B9D1: variants seen among roughly 807,000 people sequenced by gnomAD.
B9D1 encodes B9 domain-containing protein 1.
Under a neutral mutation model 26.1 loss-of-function variants are expected in B9D1, and 20 were observed. The observed-to-expected ratio is 0.77, with a 90% CI of 0.54 to 1.12. The LOEUF (loss-of-function observed/expected upper bound fraction) is 1.12, where lower values mean the gene tolerates loss of function less well. Among genes scored for constraint, B9D1 ranks in the 50% most tolerant of loss-of-function variants. B9D1 has a pLI of 0.00. For missense variants in B9D1, 260 were observed against 273.7 expected, an observed-to-expected ratio of 0.95 and a Z score of 0.35; for synonymous variants, 105 against 103.1, an observed-to-expected ratio of 1.02 and a Z score of -0.11.
downstream of B9D1, among the ~76,000 whole-genome samples, chr17:19,338,337 A>C (rs551063595): frequency 2.6e-4 from 39 of 152,334 alleles, no homozygotes; most frequent in East Asian, 7.7e-4. Context: ...TCTTGGGCCA[A>C]GCTCAGCTTT....
At chr17:19,343,087 C>G, downstream of B9D1, 1 of 1,413,154 alleles carries the variant, frequency 7.1e-7, no homozygotes, top group Non-Finnish European at 9.2e-7. Context: ...AGGGAGAGCC[C>G]TGGAGGTGGG....
chr17:19,334,911 C>CT, downstream of B9D1: 1 of 154,006 alleles, frequency 6.5e-6, no homozygotes. The surrounding 1 kb of genome is among the most constrained non-coding windows in gnomAD (Gnocchi z 4.9). Flanking sequence ...ATCTAATAGT[C>CT]TTTTTTTGGC....
chr17:19,346,657 G>A (rs1908837217), intron 5 of B9D1, among the ~76,000 whole-genome samples: 1 of 152,164 alleles, frequency 6.6e-6, no homozygotes, highest in Non-Finnish European at 1.5e-5. Context: ...CCTCCCTGCA[G>A]GCCCTTGTGT....
At chr17:19,364,671 GGTT>G (rs2152280515), upstream of B9D1, 1 of 152,540 alleles carries the variant, frequency 6.6e-6, no homozygotes, top group East Asian at 1.9e-4. The surrounding 1 kb of genome is among the most constrained non-coding windows in gnomAD (Gnocchi z 4.3). Flanking sequence ...CAGCCATGCT[GGTT>G]GTTAACATAT....
At position 19,370,478 on chromosome 17, in the gene B9D1, T is replaced by C. The variant is rs1911839329; in HGVS notation, c.-298+7381A>G. On this transcript the variant is annotated intron_variant, in intron 1 of 5. Coordinates refer to the B9D1 transcript ENST00000477478. The surrounding 1 kb of genome is among the most constrained non-coding windows in gnomAD (Gnocchi z 5.1). The stretch of plus-strand genomic sequence containing the variant: ...TGTGTCCCTCACAGACTTGGGATCT[T>C]TCTGGGAGGCAAACACAGGCCTTGG... 6.6e-6 allele frequency among the ~76,000 whole-genome samples: 1 copy of C among 152,154 alleles called. No individual in the cohort carries two copies. The highest frequency in any genetic ancestry group is 1.5e-5 in the Non-Finnish European group (1 of 68,026).
chr17:19,346,318 C>T (rs1908766573), intron 5 of B9D1, among the ~76,000 whole-genome samples: 1 of 152,218 alleles, frequency 6.6e-6, no homozygotes, highest in Admixed American at 6.5e-5. Flanking sequence ...TTCCTCCCCT[C>T]CACGGCTCTC....
chr17:19,365,870 T>C (rs935896521), upstream of B9D1, among the ~76,000 whole-genome samples: 2 of 151,992 alleles, frequency 1.3e-5, no homozygotes, highest in African/African-American at 2.4e-5. This position sits in a 1 kb window ranked among gnomAD's most constrained non-coding sequence, Gnocchi z 5.0. Context: ...AATTAAAAAG[T>C]TTATGGGCAC....
At chr17:19,340,808 AAAAGAG>A (rs1907887575), downstream of B9D1, 1 of 151,826 alleles carries the variant, frequency 6.6e-6, no homozygotes, top group Non-Finnish European at 1.5e-5. Flanking sequence ...AAAAAAAAAA[AAAAGAG>A]TTACGCATTT....
upstream of B9D1, among the ~76,000 whole-genome samples, chr17:19,365,859 T>TA (rs1911566168): frequency 6.6e-6 from 1 of 152,018 alleles, no homozygotes; most frequent in African/African-American, 2.4e-5. This position sits in a 1 kb window ranked among gnomAD's most constrained non-coding sequence, Gnocchi z 5.0. Flanking sequence ...TTTTTTTTTT[T>TA]AATTAAAAAG....
At chr17:19,342,267 T>C (rs773288273), downstream of B9D1, among the ~76,000 whole-genome samples, 5 of 152,138 alleles carry the variant, frequency 3.3e-5, no homozygotes, top group African/African-American at 2.4e-5. Flanking sequence ...CAACAGACGA[T>C]GAGTTTCAGA....
At chr17:19,337,452 C>T (rs796280544), downstream of B9D1, 10 of 421,248 alleles carry the variant, frequency 2.4e-5, no homozygotes, top group African/African-American at 1.6e-4. Flanking sequence ...TCTGGGACTG[C>T]CCTGCAGCCC....
intron 3 of B9D1, among the ~76,000 whole-genome samples, chr17:19,354,197 G>A (rs1026663215): frequency 6.6e-6 from 1 of 152,062 alleles, no homozygotes; most frequent in Non-Finnish European, 1.5e-5. Context: ...GTTCACTGTG[G>A]TCAAAGAAAA....
At chr17:19,363,408 G>A (rs1037234744), upstream of B9D1, among the ~76,000 whole-genome samples, 2 of 152,254 alleles carry the variant, frequency 1.3e-5, no homozygotes, top group Non-Finnish European at 2.9e-5. Context: ...TTAGTGGCCT[G>A]TCACAGAGTA....
chr17:19,344,515 AC>A, intron 5 of B9D1: 1 of 276,996 alleles, frequency 3.6e-6, no homozygotes, highest in South Asian at 2.8e-5. Context: ...CGCCGCCGAC[AC>A]ACCCACGCGA....
chr17:19,340,902 A>G (rs150807707), downstream of B9D1: 14 of 176,208 alleles, frequency 7.9e-5, no homozygotes, highest in East Asian at 6.0e-4. Flanking sequence ...GTGTGCTGAA[A>G]TATACAGAAG....
chr17:19,341,190 C>T, downstream of B9D1: 2 of 1,231,450 alleles, frequency 1.6e-6, no homozygotes, highest in Non-Finnish European at 2.0e-6. Context: ...ACAAATGGGG[C>T]CTGAGGCTTG....
chr17:19,336,562 C>A (rs983424505), downstream of B9D1: 1 of 152,776 alleles, frequency 6.5e-6, no homozygotes, highest in East Asian at 1.9e-4. Context: ...ACGCATGTTG[C>A]ACCTGTGCCA....
downstream of B9D1, chr17:19,336,615 C>T (rs1598033156): frequency 1.3e-5 from 2 of 152,422 alleles, no homozygotes; most frequent in Non-Finnish European, 2.9e-5. Flanking sequence ...GGAAGTCACC[C>T]AGCTGTTTCT....
In B9D1 at chr17:19,372,219, G is replaced by C. The variant is rs1407948627; in HGVS notation, c.-298+5640C>G. 1 of 152,308 alleles carries C rather than the reference G, an allele frequency of 6.6e-6. No individual in the cohort carries two copies. The highest frequency in any genetic ancestry group is 1.9e-4 in the East Asian group (1 of 5,202). 9.4% of individuals were successfully genotyped at this position (152,308 alleles called of 1,614,324 possible). A position where few individuals can be genotyped will look rare whatever the true frequency, so the allele number is the denominator to read the frequency against. ...GGTGAAGGGCCAGACCTTGTGTCAG[G>C]TGCCCCTGCAGATATAATTCCTCGA... On this transcript the variant is annotated intron_variant, in intron 1 of 5. Coordinates refer to the B9D1 transcript ENST00000477478. The surrounding 1 kb of genome is among the most constrained non-coding windows in gnomAD (Gnocchi z 4.4).
Sources: allele counts gnomAD v4.1 joint callset (sites outside exome capture counted in the v4.1 genomes callset), GRCh38; gene constraint gnomAD v4.1.1; non-coding constraint Gnocchi (gnomAD v3.1); transcripts MANE v1.5; gene names NCBI Gene and HGNC (gene_info 2026-07-23, HGNC 2026-07-21).